ARHGAP8: variants seen among roughly 807,000 people sequenced by gnomAD.
ARHGAP8 encodes the protein rho GTPase-activating protein 8.
ARHGAP8 carries 62 observed loss-of-function variants against 46.1 expected under a neutral mutation model. The observed-to-expected ratio is 1.34, with a 90% CI of 1.10 to 1.66. The LOEUF is 1.66. Ranked by LOEUF, ARHGAP8 falls within the 40% of genes most tolerant of loss-of-function variation. ARHGAP8 has a pLI of 0.00. For missense variants in ARHGAP8, 923 were observed against 568.4 expected, an observed-to-expected ratio of 1.62 and a Z score of -6.34; for synonymous variants, 375 against 243.1, an observed-to-expected ratio of 1.54 and a Z score of -5.05.
chr22:44,828,132 A>G (rs1930668285), intron 7 of ARHGAP8, among the ~76,000 whole-genome samples: 1 of 152,240 alleles, frequency 6.6e-6, no homozygotes, highest in Admixed American at 6.5e-5. Flanking sequence ...GAGGAGTTGT[A>G]CTTAAGACAT....
rs190351998 is a variant in ARHGAP8 at position 44,819,409 on chromosome 22, C to A, written c.387-2962C>A. On this transcript the variant is annotated intron_variant, in intron 5 of 11. Coordinates refer to ENST00000356099, the MANE Select transcript of ARHGAP8 (RefSeq NM_181335.3). ...TAAGTTGGCTGGGCGTGGTGGCTCACCCCTGTAATCCCAGCACTTTGGGAG... is the reference window on the plus strand; with the variant it reads ...TAAGTTGGCTGGGCGTGGTGGCTCAACCCTGTAATCCCAGCACTTTGGGAG... Among the ~76,000 whole-genome samples the A allele has an allele frequency of 5.7e-3, 867 of 152,320 alleles. 7 individuals carry two copies. The highest frequency in any genetic ancestry group is 0.02 in the African/African-American group (833 of 41,568).
intron 10 of ARHGAP8, among the ~76,000 whole-genome samples, chr22:44,857,487 C>G (rs1172731445): frequency 6.6e-6 from 1 of 152,188 alleles, no homozygotes; most frequent in African/African-American, 2.4e-5. Flanking sequence ...TTGCACATGA[C>G]ATGGGTACCT....
At chr22:44,805,053 C>A (rs1031422765) in intron 3 of ARHGAP8, among the ~76,000 whole-genome samples, 2 of 152,198 alleles carry the variant, frequency 1.3e-5, no homozygotes, top group African/African-American at 2.4e-5. Flanking sequence ...GCAGCCCACT[C>A]TTGGTGTTTA....
intron 1 of ARHGAP8, among the ~76,000 whole-genome samples, chr22:44,768,063 G>A (rs1217792496): frequency 3.4e-5 from 4 of 117,436 alleles, no homozygotes; most frequent in Non-Finnish European, 4.9e-5. Context: ...GCAGTGGCAC[G>A]ATCTCGGCTC....
chr22:44,807,881 C>G (rs555121360), intron 3 of ARHGAP8, among the ~76,000 whole-genome samples: 2 of 152,350 alleles, frequency 1.3e-5, no homozygotes, highest in East Asian at 1.9e-4. Flanking sequence ...CTTCCGCCCT[C>G]TGACTTCTCA....
chr22:44,760,816 A>G lies in ARHGAP8; in HGVS notation c.-72+8189A>G, dbSNP rs138687019. On this transcript the variant is annotated intron_variant, in intron 1 of 11. Transcript: ENST00000356099. The stretch of plus-strand genomic sequence containing the variant: ...AGCATGCCTGTTCGGGTCCATGTCT[A>G]ATGAGGGGCTGCAGCTGGCCCAGCC... Among the ~76,000 whole-genome samples the G allele has an allele frequency of 1.7e-3, 257 of 152,308 alleles. 1 individual carries two copies. Among genetic ancestry groups the G allele is most frequent in the African/African-American group, 5.9e-3 (244 of 41,568 alleles).
intron 1 of ARHGAP8, among the ~76,000 whole-genome samples, chr22:44,763,509 A>G (rs1204011497): frequency 2.0e-5 from 3 of 151,836 alleles, no homozygotes; most frequent in South Asian, 4.2e-4. Flanking sequence ...AAAAAAAAAA[A>G]AAAGATACTT....
In ARHGAP8 at chr22:44,862,588, G is replaced by A. The variant is rs376235062; in HGVS notation, c.1295G>A (p.Arg432His). 1.5e-4 allele frequency: 230 copies of A among 1,577,378 alleles called. No individual in the cohort carries two copies. Among genetic ancestry groups the A allele is most frequent in the Middle Eastern group, 1.4e-3 (8 of 5,916 alleles). Reference sequence around the variant, plus strand: ...AGTCCCCTGATGGCAGCCAGAAGACGTCTCTAGTGTTGCGAACACTCTGTA... The same window carrying A: ...AGTCCCCTGATGGCAGCCAGAAGACATCTCTAGTGTTGCGAACACTCTGTA... ...PPSPLMAARR[R>H]L Residue 432 changes from arginine to histidine, a missense_variant, in exon 12 of 12, where the codon CGT becomes CAT. Arg to His is a conservative substitution (Grantham distance 29). Transcript: ENST00000356099.
At chr22:44,858,354 T>A (rs1216063352) in intron 10 of ARHGAP8, among the ~76,000 whole-genome samples, 4 of 143,348 alleles carry the variant, frequency 2.8e-5, no homozygotes, top group African/African-American at 1.0e-4. Flanking sequence ...GGTGAATACT[T>A]GTTGGTTGGT....
chr22:44,815,323 G>A (rs1032894047), intron 5 of ARHGAP8, among the ~76,000 whole-genome samples: 1 of 152,208 alleles, frequency 6.6e-6, no homozygotes, highest in Non-Finnish European at 1.5e-5. Flanking sequence ...GGTCAGTCAT[G>A]TAGGCACGGA....
chr22:44,840,215 T>C (rs1931560024), intron 7 of ARHGAP8, among the ~76,000 whole-genome samples: 1 of 152,254 alleles, frequency 6.6e-6, no homozygotes, highest in Non-Finnish European at 1.5e-5. Context: ...GACCTGTGGC[T>C]GCTGTCACAG....
intron 10 of ARHGAP8, among the ~76,000 whole-genome samples, chr22:44,858,721 T>C (rs2070320290): frequency 7.2e-6 from 1 of 138,738 alleles, no homozygotes; most frequent in Non-Finnish European, 1.6e-5. Flanking sequence ...GTAGATGTGG[T>C]TATAAGGGTA....
At chr22:44,797,679 C>T (rs534828876) in intron 2 of ARHGAP8, among the ~76,000 whole-genome samples, 9 of 152,336 alleles carry the variant, frequency 5.9e-5, no homozygotes, top group African/African-American at 1.2e-4. Flanking sequence ...GAATCAGATG[C>T]GTGGCGTAAA....
In ARHGAP8 at chr22:44,822,455, T is replaced by G; in HGVS notation, c.471T>G (p.Pro157=). ...TTAAATACGACCAGCTGGTCATCCC[T>G]CCCGAAGTTTTGCGGTAAGTGCCTG... ...EHLKYDQLVI[P]PEVLRYDEKL... is the part of the protein sequence containing the mutation. The change falls in exon 6 of 12, where the codon CCT becomes CCG. Residue 157 remains proline, a synonymous_variant. Transcript: ENST00000356099. 1 of 1,555,398 alleles carries G rather than the reference T, an allele frequency of 6.4e-7. No individual in the cohort carries two copies. Among genetic ancestry groups the G allele is most frequent in the Non-Finnish European group, 8.6e-7 (1 of 1,159,980 alleles).
chr22:44,862,230 C>T (rs113162278), intron 11 of ARHGAP8, 45 bp from the exon 12 acceptor site: 56 of 1,543,226 alleles, frequency 3.6e-5, no homozygotes, highest in Non-Finnish European at 9.7e-6. Context: ...GGTGCCCGTG[C>T]CCCTTGGTGT....
chr22:44,845,198 A>C, intron 7 of ARHGAP8, 71 bp from the exon 8 acceptor site: 1 of 1,580,610 alleles, frequency 6.3e-7, no homozygotes, highest in African/African-American at 1.3e-5. Context: ...GGAGAGGACC[A>C]GCGCCTCTTC....
Position 44,848,042 on chromosome 22 carries a change from A to G in ARHGAP8, c.740A>G (p.Tyr247Cys), listed in dbSNP as rs200597792. The G allele has an allele frequency of 1.2e-6, 2 of 1,606,750 alleles. No individual in the cohort carries two copies. The highest frequency in any genetic ancestry group is 2.2e-5 in the East Asian group (1 of 44,878). The change falls in exon 9 of 12, where the codon TAC becomes TGC. Residue 247 changes from tyrosine to cysteine, a missense_variant. Physicochemically the swap from Tyr to Cys is radical, Grantham distance 194. Coordinates refer to ENST00000356099, the MANE Select transcript of ARHGAP8 (RefSeq NM_181335.3). ...ACCGTCCGCGAGATCCAGAGGCTCT[A>G]CAACCAAGGTGAGGGTGTCCCGCAG... ...VQTVREIQRL[Y>C]NQGKPVNFDD...
intron 1 of ARHGAP8, among the ~76,000 whole-genome samples, chr22:44,784,657 A>G (rs1927083178): frequency 6.6e-6 from 1 of 152,180 alleles, no homozygotes; most frequent in African/African-American, 2.4e-5. Context: ...ATAATCCACG[A>G]TAACCCACTC....
intron 2 of ARHGAP8, chr22:44,801,833 G>A (rs1928575495): frequency 1.1e-5 from 6 of 549,662 alleles, no homozygotes; most frequent in Non-Finnish European, 2.0e-5. Context: ...CTGGGCCTCG[G>A]TTTTCTATCT....
Sources: allele counts gnomAD v4.1 joint callset (sites outside exome capture counted in the v4.1 genomes callset), GRCh38; gene constraint gnomAD v4.1.1; transcripts MANE v1.5; gene names NCBI Gene and HGNC (gene_info 2026-07-23, HGNC 2026-07-21).